Variants in ERI3 observed in about 807,000 individuals in gnomAD.
The protein encoded by ERI3 is ERI1 exoribonuclease 3.
In ERI3, 18 loss-of-function variants were observed where a neutral mutation model predicts 44.4. The ratio of observed to expected loss-of-function variants is 0.41; its 90% CI spans 0.28 to 0.60. The LOEUF (loss-of-function observed/expected upper bound fraction) is 0.60, where lower values mean the gene tolerates loss of function less well. ERI3 is among the 20% of genes least tolerant of loss of function. The pLI, the probability that ERI3 is intolerant of heterozygous loss-of-function variation, is 0.36. For missense variants in ERI3, 294 were observed against 435.5 expected, an observed-to-expected ratio of 0.68 and a Z score of 2.89; for synonymous variants, 183 against 164.8, an observed-to-expected ratio of 1.11 and a Z score of -0.84.
rs1225817437 is a variant in ERI3 at position 44,221,987 on chromosome 1, G to C, written c.932-347C>G. 6.6e-6 allele frequency among the ~76,000 whole-genome samples: 1 copy of C among 152,236 alleles called. No homozygotes were observed. On this transcript the variant is annotated intron_variant, in intron 8 of 8. Transcript: ENST00000372257. This position sits in a 1 kb window ranked among gnomAD's most constrained non-coding sequence, Gnocchi z 5.9. ...CCTTGACGGCCCCCGGCCGCTGGGC[G>C]ATCCTTCTTGTTGCTGCCGCGTGGG...
At chr1:44,354,658 T>C (rs997103378) in intron 1 of ERI3, 10 of 985,334 alleles carry the variant, frequency 1.0e-5, no homozygotes, top group Middle Eastern at 5.2e-4. Context: ...GTCAAACCTT[T>C]TTCTTCTCTA....
rs1644279188 is a variant in ERI3 at position 44,235,317 on chromosome 1, C to T, written c.931+12622G>A. Among the ~76,000 whole-genome samples, 1 of 152,196 alleles carries T rather than the reference C, an allele frequency of 6.6e-6. No individual in the cohort carries two copies. The highest frequency in any genetic ancestry group is 6.5e-5 in the Admixed American group (1 of 15,282). On this transcript the variant is annotated intron_variant, in intron 8 of 8. Transcript: ENST00000372257. The surrounding 1 kb of genome is among the most constrained non-coding windows in gnomAD (Gnocchi z 4.6). Reference sequence around the variant, plus strand: ...CTTGAGTTTTCAAGTCCTCACTTCTCACCTGGCTCATTGCCTTCACCTCTC... The same window carrying T: ...CTTGAGTTTTCAAGTCCTCACTTCTTACCTGGCTCATTGCCTTCACCTCTC...
intron 7 of ERI3, among the ~76,000 whole-genome samples, chr1:44,275,584 G>T (rs897992157): frequency 6.6e-6 from 1 of 152,386 alleles, no homozygotes; most frequent in South Asian, 2.1e-4. Flanking sequence ...GGGAGAAACA[G>T]AATGTTTCTT....
At chr1:44,251,197 C>T (rs892382872) in intron 7 of ERI3, among the ~76,000 whole-genome samples, 4 of 152,260 alleles carry the variant, frequency 2.6e-5, no homozygotes, top group African/African-American at 4.8e-5. Flanking sequence ...CCTGCTACCC[C>T]GCTGCACCTG....
chr1:44,238,318 G>A (rs891967402), intron 8 of ERI3, among the ~76,000 whole-genome samples: 3 of 152,072 alleles, frequency 2.0e-5, no homozygotes, highest in Admixed American at 2.0e-4. Flanking sequence ...GCGGGGCCAG[G>A]GGCTCCCCCC....
chr1:44,230,225 G>A (rs1195010185), intron 8 of ERI3: 5 of 152,106 alleles, frequency 3.3e-5, no homozygotes, highest in Non-Finnish European at 7.4e-5. Flanking sequence ...TAGTAACAGG[G>A]CGGCTGCTCT....
At chr1:44,287,265 G>A (rs1645412798) in intron 6 of ERI3, among the ~76,000 whole-genome samples, 1 of 152,226 alleles carries the variant, frequency 6.6e-6, no homozygotes, top group Admixed American at 6.5e-5. Context: ...TGTGGAAAGA[G>A]TGAGAGATAA....
intron 1 of ERI3, chr1:44,353,170 C>T (rs1572363640): frequency 3.0e-6 from 3 of 985,198 alleles, no homozygotes; most frequent in East Asian, 2.3e-4. Flanking sequence ...TAAACATTTA[C>T]CGAGAAAGAT....
At chr1:44,281,443 C>T (rs1179110661) in intron 7 of ERI3, among the ~76,000 whole-genome samples, 2 of 151,578 alleles carry the variant, frequency 1.3e-5, no homozygotes. Context: ...CAAAAATTAG[C>T]CAGGCATAAT....
In ERI3 at chr1:44,313,155, G is replaced by A; in HGVS notation, c.666+14C>T. ...AGGGGTCAGAGGTCAGGAATTAAAG[G>A]TCACTCAACCTACCTCCAGCACTTG... On this transcript the variant is annotated intron_variant, in intron 5 of 8. Coordinates refer to ENST00000372257, the MANE Select transcript of ERI3 (RefSeq NM_024066.3). 6.2e-7 allele frequency: 1 copy of A among 1,613,692 alleles called. No individual in the cohort carries two copies. Among genetic ancestry groups the A allele is most frequent in the Non-Finnish European group, 8.5e-7 (1 of 1,179,598 alleles).
Position 44,342,820 on chromosome 1 carries a change from T to TATATATATATATAA in ERI3, c.212-3499_212-3498insTTATATATATATAT, listed in dbSNP as rs1646685125. On this transcript the variant is annotated intron_variant, in intron 2 of 8. Transcript: ENST00000372257. Reference sequence around the variant, plus strand: ...TGCCACCACATCCAGCTAATATATATATATATATATATATATATATATATA... The same window carrying TATATATATATATAA: ...TGCCACCACATCCAGCTAATATATATATATATATATATAAATATATATATATATATATATATATA... Among the ~76,000 whole-genome samples the TATATATATATATAA allele has an allele frequency of 2.8e-3, 32 of 11,434 alleles. 2 individuals are homozygous for TATATATATATATAA. Among genetic ancestry groups the TATATATATATATAA allele is most frequent in the South Asian group, 9.0e-3 (3 of 332 alleles). The allele number at this position is 11,434 out of a possible 152,430, so 7.5% of individuals were successfully genotyped here.
At chr1:44,291,197 G>A (rs546600248) in intron 6 of ERI3, among the ~76,000 whole-genome samples, 1 of 152,296 alleles carries the variant, frequency 6.6e-6, no homozygotes, top group Admixed American at 6.5e-5. Context: ...ACATTGAGCG[G>A]AGGAGGGTAG....
At chr1:44,309,182 TACA>T (rs1417330715) in intron 5 of ERI3, among the ~76,000 whole-genome samples, 1 of 152,300 alleles carries the variant, frequency 6.6e-6, no homozygotes, top group African/African-American at 2.4e-5. Flanking sequence ...AAAATCAGTA[TACA>T]ACAAGAGAAA....
chr1:44,295,378 G>A (rs1032264401), intron 6 of ERI3, among the ~76,000 whole-genome samples: 1 of 152,190 alleles, frequency 6.6e-6, no homozygotes, highest in East Asian at 1.9e-4. Context: ...TCATTGTAGT[G>A]TTTTCATACT....
At position 44,313,216 on chromosome 1, in the gene ERI3, T is replaced by C. The variant is rs1330672738; in HGVS notation, c.619A>G (p.Ile207Val). 3.9e-5 allele frequency: 63 copies of C among 1,613,994 alleles called. No individual in the cohort carries two copies. The highest frequency in any genetic ancestry group is 4.8e-5 in the Non-Finnish European group (57 of 1,180,012). ...GGCTGACCATCCACCATGGCTTGAA[T>C]AATCCCGGTGAGCTGAAAGGAAAGA... ...TPFCTELTGI[I>V]QAMVDGQPSL... Residue 207 changes from isoleucine to valine, a missense_variant, in exon 5 of 9, where the codon ATT (isoleucine) becomes GTT (valine). Around this residue, in one of 2 missense-constraint regions of ERI3, gnomAD observed 187 missense variants for 338.6 expected, o/e 0.55. Coordinates refer to ENST00000372257, the MANE Select transcript of ERI3 (RefSeq NM_024066.3).
chr1:44,250,770 G>T (rs1159551550), intron 7 of ERI3, among the ~76,000 whole-genome samples: 2 of 152,152 alleles, frequency 1.3e-5, no homozygotes, highest in Non-Finnish European at 2.9e-5. Flanking sequence ...CATGCACATG[G>T]GTCTGCCAAG....
rs1438318545 is a variant in ERI3, at chr1:44,342,833, ATATATATATATATATATATATATATTTT to A, written c.212-3539_212-3512del. Among the ~76,000 whole-genome samples the A allele has an allele frequency of 2.7e-3, 73 of 27,028 alleles. 2 individuals are homozygous for A. Among genetic ancestry groups the A allele is most frequent in the Admixed American group, 6.5e-3 (13 of 2,012 alleles). The allele number at this position is 27,028 out of a possible 152,430, so 17.7% of individuals were successfully genotyped here. On this transcript the variant is annotated intron_variant, in intron 2 of 8. Coordinates refer to ENST00000372257, the MANE Select transcript of ERI3 (RefSeq NM_024066.3). ...AGCTAATATATATATATATATATAT[ATATATATATATATATATATATATATTTT>A]TTTTTTTTTTTTTTTTTTTTTTTTT...
At chr1:44,246,458 C>T (rs1049117056) in intron 8 of ERI3, among the ~76,000 whole-genome samples, 4 of 152,328 alleles carry the variant, frequency 2.6e-5, no homozygotes, top group Admixed American at 6.5e-5. Context: ...AACATCTATG[C>T]GAGGGAACAG....
At chr1:44,314,952 T>G (rs1646055854) in intron 4 of ERI3, among the ~76,000 whole-genome samples, 1 of 152,172 alleles carries the variant, frequency 6.6e-6, no homozygotes, top group African/African-American at 2.4e-5. Context: ...GCCTCAGGCA[T>G]GAAGGGGCCA....
Sources: gnomAD v4.1 joint callset for allele counts (sites outside exome capture counted in the v4.1 genomes callset) on GRCh38, gnomAD v4.1.1 for gene constraint, gnomAD v4.1.1 regional missense constraint, Gnocchi (gnomAD v3.1) non-coding constraint, MANE v1.5 for transcripts, NCBI Gene and HGNC (gene_info 2026-07-23, HGNC 2026-07-21) for gene names.